Variants in NTRK2 observed in about 807,000 individuals in gnomAD.
NTRK2 encodes BDNF/NT-3 growth factors receptor.
In NTRK2, 13 loss-of-function variants were observed where a neutral mutation model predicts 94.5. The ratio of observed to expected loss-of-function variants is 0.14; its 90% CI spans 0.09 to 0.22. NTRK2 has a LOEUF of 0.22. Ranked by LOEUF, NTRK2 falls within the 10% of genes least tolerant of loss-of-function variation. The pLI is 1.00. For synonymous variants in NTRK2, 372 were observed against 407.4 expected (o/e 0.91, Z 1.05); for missense variants, 639 against 1,071.2 (o/e 0.60, Z 5.63).
At chr9:84,669,605 C>T (rs972064898), upstream of NTRK2, 2 of 153,114 alleles carry the variant, frequency 1.3e-5, no homozygotes, top group Admixed American at 6.5e-5. This position sits in a 1 kb window ranked among gnomAD's most constrained non-coding sequence, Gnocchi z 4.1. Flanking sequence ...ATTCCCCTCC[C>T]CTCCCTGGTG....
intron 12 of NTRK2, among the ~76,000 whole-genome samples, chr9:84,761,868 G>A (rs1010635973): frequency 6.6e-6 from 1 of 152,122 alleles, no homozygotes; most frequent in Non-Finnish European, 1.5e-5. Flanking sequence ...GAGTGATATG[G>A]TTTGGCTATG....
chr9:84,955,713 C>A, intron 17 of NTRK2, 196 bp downstream of exon 17: 1 of 668,140 alleles, frequency 1.5e-6, no homozygotes, highest in Non-Finnish European at 2.7e-6. Flanking sequence ...TGAGGCCTCG[C>A]TCCTTGGCTT....
intron 14 of NTRK2, chr9:84,875,620 G>C: frequency 2.8e-6 from 3 of 1,060,804 alleles, no homozygotes; most frequent in Non-Finnish European, 3.4e-6. Flanking sequence ...ATTTCCTGAT[G>C]TTTAGGGATG....
chr9:84,990,353 G>A lies in NTRK2; in HGVS notation c.2173-29853G>A, dbSNP rs117220098. On this transcript the variant is annotated intron_variant, in intron 17 of 18. Transcript: ENST00000277120. ...GAGGAAAAAAGGTGAATGTGACATTGTTGTGTATCTTACTTAATACGGACA... is the reference window on the plus strand; with the variant it reads ...GAGGAAAAAAGGTGAATGTGACATTATTGTGTATCTTACTTAATACGGACA... 5.9e-5 allele frequency among the ~76,000 whole-genome samples: 9 copies of A among 152,316 alleles called. No homozygotes were observed. The East Asian group carries it at 1.7e-3, about 29-fold the overall frequency.
chr9:84,918,502 G>T (rs1288743782), intron 14 of NTRK2, among the ~76,000 whole-genome samples: 2 of 151,096 alleles, frequency 1.3e-5, no homozygotes, highest in African/African-American at 4.9e-5. Flanking sequence ...GGTCTGAAGG[G>T]GATCCACACA....
At chr9:84,850,608 C>G (rs1015228076) in intron 12 of NTRK2, among the ~76,000 whole-genome samples, 1 of 152,126 alleles carries the variant, frequency 6.6e-6, no homozygotes, top group African/African-American at 2.4e-5. Context: ...ATCAGGTGGT[C>G]AGGACAGTAA....
At chr9:84,857,293 A>G (rs2075112959) in intron 12 of NTRK2, among the ~76,000 whole-genome samples, 1 of 152,176 alleles carries the variant, frequency 6.6e-6, no homozygotes, top group Non-Finnish European at 1.5e-5. Flanking sequence ...TTCCAAAAGG[A>G]GGGGATTCTT....
intron 17 of NTRK2, among the ~76,000 whole-genome samples, chr9:84,956,895 T>A (rs1311325917): frequency 6.6e-6 from 1 of 152,004 alleles, no homozygotes; most frequent in Non-Finnish European, 1.5e-5. Flanking sequence ...ATTTACATTT[T>A]GTGTGGCAAA....
chr9:84,879,629 A>G (rs1185830748), intron 14 of NTRK2, among the ~76,000 whole-genome samples: 1 of 152,234 alleles, frequency 6.6e-6, no homozygotes, highest in East Asian at 1.9e-4. Flanking sequence ...AGGAAAAGGA[A>G]AATGCAAATT....
At chr9:84,816,815 C>A in intron 12 of NTRK2, among the ~76,000 whole-genome samples, 1 of 150,780 alleles carries the variant, frequency 6.6e-6, no homozygotes, top group East Asian at 1.9e-4. Flanking sequence ...GAAAAAAGCC[C>A]AAACTTCAGT....
At chr9:84,918,729 G>A (rs1015147454) in intron 14 of NTRK2, among the ~76,000 whole-genome samples, 2 of 152,186 alleles carry the variant, frequency 1.3e-5, no homozygotes, top group African/African-American at 4.8e-5. Context: ...TATGGTAGCC[G>A]AGTGAATAAT....
At position 84,727,765 on chromosome 9, in the gene NTRK2, C is replaced by G; in HGVS notation, c.965C>G (p.Ala322Gly). 1 of 1,614,176 alleles carries G rather than the reference C, an allele frequency of 6.2e-7. No homozygotes were observed. Among genetic ancestry groups the G allele is most frequent in the East Asian group, 2.2e-5 (1 of 44,882 alleles). ...GCGCTTCAGTGGTTCTATAACGGGG[C>G]AATATTGAATGAGTCCAAATACATC... is the stretch of plus-strand genomic sequence containing the variant. ...KPALQWFYNG[A>G]ILNESKYICT... is the part of the protein sequence containing the mutation. The change falls in exon 9 of 19, where the codon GCA becomes GGA. Residue 322 changes from alanine to glycine, a missense_variant. By Grantham distance (60) the Ala-to-Gly change is moderately conservative (BLOSUM62 0). Around this residue, in one of 5 missense-constraint regions of NTRK2, gnomAD observed 343 missense variants for 571.5 expected, o/e 0.60. Transcript: ENST00000277120.
chr9:84,811,369 G>A (rs200471856), intron 12 of NTRK2: 10 of 1,056,464 alleles, frequency 9.5e-6, no homozygotes, highest in Admixed American at 6.1e-5. Context: ...TGTTTTGTTG[G>A]GGCTATAGAT....
rs535854542 is a variant in NTRK2 at position 84,717,653 on chromosome 9, A to T, written c.584-5920A>T. On this transcript the variant is annotated intron_variant, in intron 6 of 18. Coordinates refer to ENST00000277120, the MANE Select transcript of NTRK2 (RefSeq NM_006180.6). ...CCTACTTTCTAGGATATTTAGGATGACTGATAAGGTGATAAATGGAAAATA... is the reference window on the plus strand; with the variant it reads ...CCTACTTTCTAGGATATTTAGGATGTCTGATAAGGTGATAAATGGAAAATA... Among the ~76,000 whole-genome samples the T allele has an allele frequency of 9.8e-5, 15 of 152,376 alleles. No homozygotes were observed. The South Asian group carries it at 3.1e-3, about 32-fold the overall frequency.
rs1371197816 is a variant in NTRK2 at position 85,023,949 on chromosome 9, C to T, written c.*2512C>T. 4.4e-6 allele frequency: 1 copy of T among 229,372 alleles called. No individual in the cohort carries two copies. The highest frequency in any genetic ancestry group is 6.2e-5 in the East Asian group (1 of 16,050). 14.2% of individuals were successfully genotyped at this position (229,372 alleles called of 1,614,324 possible). On this transcript the variant is annotated 3_prime_UTR_variant, in exon 19 of 19. Transcript: ENST00000277120. The stretch of plus-strand genomic sequence containing the variant: ...TTTTAGAGCAAAGATTTGTTTAAGG[C>T]AAATGAGACTTTGGGAGCATCCCAT...
chr9:84,866,116 A>T (rs1206412881), intron 13 of NTRK2, among the ~76,000 whole-genome samples: 2 of 152,216 alleles, frequency 1.3e-5, no homozygotes, highest in African/African-American at 4.8e-5. Flanking sequence ...TATTACAGCT[A>T]ACAACAAAGC....
At chr9:84,712,092 A>G (rs2061447119) in intron 6 of NTRK2, among the ~76,000 whole-genome samples, 1 of 152,170 alleles carries the variant, frequency 6.6e-6, no homozygotes, top group South Asian at 2.1e-4. Flanking sequence ...CCAGCTCCCA[A>G]ATCCCCATGG....
intron 12 of NTRK2, among the ~76,000 whole-genome samples, chr9:84,822,466 CCT>C (rs1252947729): frequency 6.6e-6 from 1 of 152,070 alleles, no homozygotes; most frequent in Non-Finnish European, 1.5e-5. Flanking sequence ...CAGAATGTGT[CCT>C]CTCAGAAGCA....
chr9:84,936,820 A>G (rs1258364768), intron 15 of NTRK2, among the ~76,000 whole-genome samples: 12 of 152,188 alleles, frequency 7.9e-5, no homozygotes, highest in Non-Finnish European at 1.6e-4. Context: ...CTTCATGGTC[A>G]CAAACTTAAG....
Sources: gnomAD v4.1 joint callset for allele counts (sites outside exome capture counted in the v4.1 genomes callset) on GRCh38, gnomAD v4.1.1 for gene constraint, gnomAD v4.1.1 regional missense constraint, Gnocchi (gnomAD v3.1) non-coding constraint, MANE v1.5 for transcripts, NCBI Gene and HGNC (gene_info 2026-07-23, HGNC 2026-07-21) for gene names.